Variants in FMNL2 observed in about 807,000 individuals in gnomAD.
The protein encoded by FMNL2 is formin like 2.
In FMNL2, 51 loss-of-function variants were observed where a neutral mutation model predicts 130.2. That is an observed-to-expected ratio of 0.39 (90% CI 0.31 to 0.49). The LOEUF is 0.49. Ranked by LOEUF, FMNL2 falls within the 20% of genes least tolerant of loss-of-function variation. The pLI, the probability that FMNL2 is intolerant of heterozygous loss-of-function variation, is 0.85. For missense variants in FMNL2, 977 were observed against 1,316.2 expected (o/e 0.74, Z 3.99); for synonymous variants, 465 against 467.1 (o/e 1.00, Z 0.06).
chr2:152,576,991 A>T (rs1696514316), intron 7 of FMNL2, among the ~76,000 whole-genome samples: 2 of 152,244 alleles, frequency 1.3e-5, no homozygotes. Flanking sequence ...TTGAATGGTT[A>T]TAACGACATA....
intron 1 of FMNL2, chr2:152,390,021 G>T: frequency 1.3e-6 from 2 of 1,581,472 alleles, no homozygotes; most frequent in Non-Finnish European, 1.7e-6. Context: ...GAAAAAGGAT[G>T]CAGAGAATCA....
chr2:152,502,328 A>T (rs1317335541), intron 1 of FMNL2, among the ~76,000 whole-genome samples: 1 of 152,228 alleles, frequency 6.6e-6, no homozygotes, highest in Non-Finnish European at 1.5e-5. Flanking sequence ...AGGTTATAAC[A>T]TTTATTTTTC....
At chr2:152,357,093 A>G (rs77297189) in intron 1 of FMNL2, among the ~76,000 whole-genome samples, 708 of 36,470 alleles carry the variant, frequency 0.019, 198 homozygotes, top group Non-Finnish European at 0.058. Flanking sequence ...TAAATATTAC[A>G]TAAGTTTAAT....
chr2:152,528,440 C>T (rs1693516114), intron 2 of FMNL2, among the ~76,000 whole-genome samples: 1 of 152,174 alleles, frequency 6.6e-6, no homozygotes, highest in South Asian at 2.1e-4. Flanking sequence ...TCTTCCTTTC[C>T]TCTCTTTCCT....
intron 1 of FMNL2, among the ~76,000 whole-genome samples, chr2:152,354,551 C>T (rs1014942149): frequency 1.3e-5 from 2 of 152,052 alleles, no homozygotes; most frequent in East Asian, 1.9e-4. Flanking sequence ...TTGCGTCCTA[C>T]GTGATCTTGC....
At chr2:152,446,942 G>T (rs1230741535) in intron 1 of FMNL2, among the ~76,000 whole-genome samples, 3 of 152,082 alleles carry the variant, frequency 2.0e-5, no homozygotes, top group Non-Finnish European at 4.4e-5. Context: ...AGGAGGGAAG[G>T]AAGTGGTAAG....
chr2:152,468,618 T>C (rs780536564), intron 1 of FMNL2, among the ~76,000 whole-genome samples: 1 of 152,234 alleles, frequency 6.6e-6, no homozygotes, highest in Non-Finnish European at 1.5e-5. Context: ...GTTGGTTACA[T>C]ATTGAAATGA....
chr2:152,581,071 A>C (rs1436962220), intron 9 of FMNL2, 22 bp downstream of exon 9: 2 of 1,587,384 alleles, frequency 1.3e-6, no homozygotes, highest in South Asian at 1.1e-5. Flanking sequence ...TATAGTTTTC[A>C]TAAGAATACT....
At chr2:152,471,893 TATACC>T (rs1017742534) in intron 1 of FMNL2, among the ~76,000 whole-genome samples, 22 of 152,180 alleles carry the variant, frequency 1.4e-4, no homozygotes, top group Non-Finnish European at 4.4e-5. Flanking sequence ...AATTCCAGGC[TATACC>T]CTGTACTGCC....
chr2:152,510,603 G>A (rs12105467), intron 1 of FMNL2, among the ~76,000 whole-genome samples: 19,305 of 152,180 alleles, frequency 0.13, 2,002 homozygotes, highest in African/African-American at 0.25. Context: ...TACCAGCAAC[G>A]TTAAAGTATT....
chr2:152,389,665 C>T lies in FMNL2; in HGVS notation c.117+53945C>T, dbSNP rs1579547671. Among the ~76,000 whole-genome samples the T allele has an allele frequency of 3.3e-5, 5 of 152,314 alleles. No individual in the cohort carries two copies. The South Asian group carries it at 1.0e-3, about 32-fold the overall frequency. On this transcript the variant is annotated intron_variant, in intron 1 of 25. Coordinates refer to ENST00000288670, the MANE Select transcript of FMNL2 (RefSeq NM_052905.4). ...GAGCGCAGACCTCAGGACGTGGATC[C>T]GAGCCGGCGCGATGGGCGGAGAGCA...
chr2:152,617,181 G>C lies in FMNL2; in HGVS notation c.1303G>C (p.Asp435His). ...ACTCATGCAGAGGAACAAGGAGCTG[G>C]ATGTCGTTCGGGTAAGTGTAATGAT... ...KQLMQRNKEL[D>H]VVREIYKDAN... Residue 435 changes from aspartate (D) to histidine (H), a missense_variant, in exon 13 of 26, where the codon GAT becomes CAT. Coordinates refer to ENST00000288670, the MANE Select transcript of FMNL2 (RefSeq NM_052905.4). 1.2e-6 allele frequency: 2 copies of C among 1,613,964 alleles called. No individual in the cohort carries two copies. Among genetic ancestry groups the C allele is most frequent in the South Asian group, 2.2e-5 (2 of 91,084 alleles).
intron 1 of FMNL2, among the ~76,000 whole-genome samples, chr2:152,411,749 AGT>A (rs771783480): frequency 2.0e-5 from 3 of 152,192 alleles, no homozygotes; most frequent in Non-Finnish European, 1.5e-5. Flanking sequence ...CACTCTGAAC[AGT>A]GTATTTTACT....
At chr2:152,432,947 G>T (rs1687575688) in intron 1 of FMNL2, among the ~76,000 whole-genome samples, 1 of 152,198 alleles carries the variant, frequency 6.6e-6, no homozygotes, top group African/African-American at 2.4e-5. Flanking sequence ...TGCATGGCAG[G>T]CATTGACATG....
At chr2:152,367,400 C>T (rs116688055) in intron 1 of FMNL2, among the ~76,000 whole-genome samples, 258 of 152,196 alleles carry the variant, frequency 1.7e-3, no homozygotes, top group Middle Eastern at 3.4e-3. Context: ...GAGAATACTC[C>T]GAATAAGGCT....
At chr2:152,601,296 CT>C (rs1698035478) in intron 9 of FMNL2, among the ~76,000 whole-genome samples, 1 of 92,208 alleles carries the variant, frequency 1.1e-5, no homozygotes, top group African/African-American at 3.7e-5. Context: ...CTTTTCTTTT[CT>C]TTTTTCTTTT....
In FMNL2 at chr2:152,389,256, G is replaced by A. The variant is rs189040743; in HGVS notation, c.117+53536G>A. Among the ~76,000 whole-genome samples, 379 of 152,254 alleles carry A rather than the reference G, an allele frequency of 2.5e-3. 1 individual carries two copies. Among genetic ancestry groups the A allele is most frequent in the Non-Finnish European group, 4.7e-3 (317 of 68,000 alleles). On this transcript the variant is annotated intron_variant, in intron 1 of 25. Transcript: ENST00000288670. ...GGAGACTGAGAAGTCCAAGATCAAGGCATCAGCAAATTTGAGGGGAGGACC... is the reference window on the plus strand; with the variant it reads ...GGAGACTGAGAAGTCCAAGATCAAGACATCAGCAAATTTGAGGGGAGGACC...
chr2:152,550,625 C>T (rs1046196600), intron 4 of FMNL2, among the ~76,000 whole-genome samples: 20 of 152,178 alleles, frequency 1.3e-4, no homozygotes, highest in Non-Finnish European at 2.5e-4. Flanking sequence ...ATAAGATTAT[C>T]AGGGATCTGG....
At chr2:152,348,365 C>T (rs142042285) in intron 1 of FMNL2, among the ~76,000 whole-genome samples, 6 of 152,280 alleles carry the variant, frequency 3.9e-5, no homozygotes, top group Admixed American at 2.6e-4. Flanking sequence ...TCATGTCTTA[C>T]GGGGTCTGAC....
Sources: allele counts gnomAD v4.1 joint callset (sites outside exome capture counted in the v4.1 genomes callset), GRCh38; gene constraint gnomAD v4.1.1; transcripts MANE v1.5; gene names NCBI Gene and HGNC (gene_info 2026-07-23, HGNC 2026-07-21).